CREG2: variants seen among roughly 807,000 people sequenced by gnomAD.
CREG2 encodes protein CREG2.
In CREG2, 24 loss-of-function variants were observed where a neutral mutation model predicts 26.2. The observed-to-expected ratio is 0.92, with a 90% CI of 0.66 to 1.29. The LOEUF (loss-of-function observed/expected upper bound fraction) is 1.29. Ranked by LOEUF, CREG2 falls within the 50% of genes most tolerant of loss-of-function variation. The probability of loss-of-function intolerance (pLI) is 0.00; values close to 1 mark genes in which losing one functional copy is unlikely to be tolerated. For missense variants in CREG2, 366 were observed against 398.6 expected (o/e 0.92, Z 0.70); for synonymous variants, 174 against 169.2 (o/e 1.03, Z -0.22).
At chr2:101,385,327 G>A (rs1684950812) in intron 1 of CREG2, among the ~76,000 whole-genome samples, 1 of 152,082 alleles carries the variant, frequency 6.6e-6, no homozygotes, top group African/African-American at 2.4e-5. Flanking sequence ...GATTACAGGT[G>A]CATGCCACCA....
chr2:101,358,159 G>C (rs891729525), intron 2 of CREG2, among the ~76,000 whole-genome samples: 1 of 151,984 alleles, frequency 6.6e-6, no homozygotes, highest in East Asian at 1.9e-4. Flanking sequence ...GCCTGGCTAA[G>C]TTTTGTATTT....
chr2:101,373,637 T>C (rs1313111272), intron 2 of CREG2, among the ~76,000 whole-genome samples: 2 of 152,112 alleles, frequency 1.3e-5, no homozygotes, highest in Admixed American at 6.6e-5. Flanking sequence ...AGGAAAAGGA[T>C]AGTGCAATGG....
At chr2:101,380,619 C>T (rs182669059) in intron 2 of CREG2, among the ~76,000 whole-genome samples, 5 of 152,280 alleles carry the variant, frequency 3.3e-5, no homozygotes, top group East Asian at 1.9e-4. Context: ...GGAATAGGAG[C>T]GCCCAGAAGA....
Position 101,348,219 on chromosome 2 carries a change from T to C in CREG2, c.*2704A>G, listed in dbSNP as rs907271837. ...ATACTGTAGCTACATCATAACTCTATATTAAATAGAATGATTTCTCCTACC... is the reference window on the plus strand; with the variant it reads ...ATACTGTAGCTACATCATAACTCTACATTAAATAGAATGATTTCTCCTACC... On this transcript the variant is annotated 3_prime_UTR_variant, in exon 4 of 4. Transcript: ENST00000324768. The C allele has an allele frequency of 6.6e-6, 1 of 152,360 alleles. No individual in the cohort carries two copies. Among genetic ancestry groups the C allele is most frequent in the South Asian group, 2.1e-4 (1 of 4,830 alleles). The allele number at this position is 152,360 out of a possible 1,614,324, so 9.4% of individuals were successfully genotyped here. A position where few individuals can be genotyped will look rare whatever the true frequency, so the allele number is the denominator to read the frequency against.
At chr2:101,370,428 G>A (rs1343376264) in intron 2 of CREG2, among the ~76,000 whole-genome samples, 1 of 152,092 alleles carries the variant, frequency 6.6e-6, no homozygotes, top group Admixed American at 6.5e-5. Flanking sequence ...TCCCCACAGT[G>A]GACCTAGGGT....
intron 2 of CREG2, among the ~76,000 whole-genome samples, chr2:101,367,448 A>T (rs1183288437): frequency 2.0e-5 from 3 of 152,206 alleles, no homozygotes; most frequent in Non-Finnish European, 4.4e-5. Context: ...AAACATTTGT[A>T]TTATAAATAA....
At chr2:101,354,403 C>T (rs1684424637) in intron 3 of CREG2, among the ~76,000 whole-genome samples, 1 of 152,228 alleles carries the variant, frequency 6.6e-6, no homozygotes, top group African/African-American at 2.4e-5. Flanking sequence ...GTGCCTTTAG[C>T]CCTTTTCTGT....
At chr2:101,366,015 T>C (rs1489029074) in intron 2 of CREG2, among the ~76,000 whole-genome samples, 2 of 152,216 alleles carry the variant, frequency 1.3e-5, no homozygotes, top group African/African-American at 2.4e-5. Context: ...AAGTTATTAT[T>C]CCCCAGTTTA....
Position 101,350,364 on chromosome 2 carries a change from C to A in CREG2, c.*559G>T, listed in dbSNP as rs1684359867. 1 of 152,602 alleles carries A rather than the reference C, an allele frequency of 6.6e-6. No individual in the cohort carries two copies. The highest frequency in any genetic ancestry group is 1.5e-5 in the Non-Finnish European group (1 of 68,358). 9.5% of individuals were successfully genotyped at this position (152,602 alleles called of 1,614,324 possible). On this transcript the variant is annotated 3_prime_UTR_variant, in exon 4 of 4. Transcript: ENST00000324768. ...GTTATGGTGGGAGAAAAGCTGCATTCTAGCCAGTATGACCTAATAATGCAT... is the reference window on the plus strand; with the variant it reads ...GTTATGGTGGGAGAAAAGCTGCATTATAGCCAGTATGACCTAATAATGCAT...
At chr2:101,367,315 G>C (rs930860734) in intron 2 of CREG2, among the ~76,000 whole-genome samples, 69 of 152,296 alleles carry the variant, frequency 4.5e-4, no homozygotes, top group African/African-American at 1.6e-3. Flanking sequence ...TTCAATGTAT[G>C]ATGACCCCTT....
rs1226775281 is a variant in CREG2, at chr2:101,348,680, T to C, written c.*2243A>G. The C allele has an allele frequency of 2.0e-5, 3 of 152,192 alleles. No homozygotes were observed. The South Asian group carries it at 6.2e-4, about 32-fold the overall frequency. 9.4% of individuals were successfully genotyped at this position (152,192 alleles called of 1,614,324 possible). On this transcript the variant is annotated 3_prime_UTR_variant, in exon 4 of 4. Transcript: ENST00000324768. ...ACTCACATACTAGTTCCAGAGTTTT[T>C]TTTTAAAAAAAATAGATTATTTGGA...
intron 2 of CREG2, among the ~76,000 whole-genome samples, chr2:101,376,651 T>G (rs1315593456): frequency 6.6e-6 from 1 of 152,204 alleles, no homozygotes; most frequent in South Asian, 2.1e-4. Flanking sequence ...AGTTCTGTAT[T>G]CTGGTAGGGT....
Position 101,350,702 on chromosome 2 carries a change from T to G in CREG2, c.*221A>C, listed in dbSNP as rs370963578. On this transcript the variant is annotated 3_prime_UTR_variant, in exon 4 of 4. Coordinates refer to ENST00000324768, the MANE Select transcript of CREG2 (RefSeq NM_153836.4). ...GGATTGAATACAATGGAATAAAGAC[T>G]ATCTACGTGAAGTATCTGTGTGAGT... is the stretch of plus-strand genomic sequence containing the variant. The G allele has an allele frequency of 1.9e-6, 1 of 529,130 alleles. No individual in the cohort carries two copies. Among genetic ancestry groups the G allele is most frequent in the Non-Finnish European group, 3.4e-6 (1 of 297,962 alleles). 32.8% of individuals were successfully genotyped at this position (529,130 alleles called of 1,614,324 possible). A position where few individuals can be genotyped will look rare whatever the true frequency, so the allele number is the denominator to read the frequency against.
rs1684296398 is a variant in CREG2 at position 101,345,835 on chromosome 2, T to C, written c.*5088A>G. 9.7e-6 allele frequency: 1 copy of C among 102,662 alleles called. No homozygotes were observed. The highest frequency in any genetic ancestry group is 1.9e-5 in the Non-Finnish European group (1 of 53,398). 6.4% of individuals were successfully genotyped at this position (102,662 alleles called of 1,614,324 possible). ...TTTTTGGAAAAATTGTAGAAATACC[T>C]TTTTTTTTTTTTAAGAGACAAAGTC... is the stretch of plus-strand genomic sequence containing the variant. On this transcript the variant is annotated 3_prime_UTR_variant, in exon 4 of 4. Transcript: ENST00000324768.
At chr2:101,362,024 C>T (rs556766559) in intron 2 of CREG2, among the ~76,000 whole-genome samples, 4 of 152,274 alleles carry the variant, frequency 2.6e-5, no homozygotes, top group East Asian at 1.9e-4. Flanking sequence ...CCCCAGGTCC[C>T]GAGAACCTGG....
At position 101,383,594 on chromosome 2, in the gene CREG2, C is replaced by T; in HGVS notation, c.550G>A (p.Asp184Asn). The change falls in exon 2 of 4, where the codon GAT (aspartate) becomes AAT (asparagine). Residue 184 changes from aspartate (D) to asparagine (N), a missense_variant. Asp to Asn is a conservative substitution (Grantham distance 23). This residue lies in a region of CREG2 where 174 missense variants were observed against 178.2 expected (regional missense o/e 0.98). Coordinates refer to ENST00000324768, the MANE Select transcript of CREG2 (RefSeq NM_153836.4). ...YMTAKDPVVADLMKNPMASLM... is the reference protein window; with the variant it reads ...YMTAKDPVVANLMKNPMASLM... ...GAGGCCATGGGGTTCTTCATCAGAT[C>T]AGCCACCACGGGGTCCTTGGCTGTC... The T allele has an allele frequency of 1.9e-6, 3 of 1,614,202 alleles. No individual in the cohort carries two copies. In the South Asian group the frequency reaches 3.3e-5, roughly 18 times the overall value.
chr2:101,355,184 G>C, intron 3 of CREG2, 69 bp downstream of exon 3: 2 of 1,032,416 alleles, frequency 1.9e-6, no homozygotes, highest in South Asian at 2.7e-5. Context: ...GCATCTAATG[G>C]CACAGCCTGA....
intron 2 of CREG2, among the ~76,000 whole-genome samples, chr2:101,363,724 C>T (rs1684578195): frequency 6.6e-6 from 1 of 152,028 alleles, no homozygotes; most frequent in African/African-American, 2.4e-5. Flanking sequence ...GTGGTGCACA[C>T]CTGTAGTCCT....
At chr2:101,380,664 C>T (rs1684858032) in intron 2 of CREG2, among the ~76,000 whole-genome samples, 3 of 152,282 alleles carry the variant, frequency 2.0e-5, no homozygotes, top group Middle Eastern at 3.4e-3. Flanking sequence ...CTGTTGCAGG[C>T]CGGGCGCCGT....
Sources: gnomAD v4.1 joint callset for allele counts (sites outside exome capture counted in the v4.1 genomes callset) on GRCh38, gnomAD v4.1.1 for gene constraint, gnomAD v4.1.1 regional missense constraint, MANE v1.5 for transcripts, NCBI Gene and HGNC (gene_info 2026-07-23, HGNC 2026-07-21) for gene names.